GPAT3: variants seen among roughly 807,000 people sequenced by gnomAD.
The protein encoded by GPAT3 is 1-AGP acyltransferase 9.
In GPAT3, 53 loss-of-function variants were observed where a neutral mutation model predicts 58.8. That is an observed-to-expected ratio of 0.90 (90% CI 0.72 to 1.13). The LOEUF (loss-of-function observed/expected upper bound fraction) is 1.13. Among genes scored for constraint, GPAT3 ranks in the 50% most tolerant of loss-of-function variants. The pLI is 0.00. For synonymous variants in GPAT3, 197 were observed against 187.4 expected (o/e 1.05, Z -0.42); for missense variants, 511 against 527.6 (o/e 0.97, Z 0.31).
chr4:83,556,234 C>T (rs1724934701), intron 2 of GPAT3, among the ~76,000 whole-genome samples: 1 of 152,110 alleles, frequency 6.6e-6, no homozygotes, highest in South Asian at 2.1e-4. Context: ...TGTGGGCTGC[C>T]AGCCAAGATG....
At chr4:83,585,977 C>T (rs1463599462) in intron 3 of GPAT3, among the ~76,000 whole-genome samples, 1 of 152,044 alleles carries the variant, frequency 6.6e-6, no homozygotes, top group Admixed American at 6.5e-5. Flanking sequence ...ATTCTGGAGC[C>T]CTGGGTTCAA....
chr4:83,602,784 T>G (rs1727107250), intron 11 of GPAT3, among the ~76,000 whole-genome samples: 1 of 152,216 alleles, frequency 6.6e-6, no homozygotes, highest in Non-Finnish European at 1.5e-5. Context: ...TTTAGTTTCC[T>G]TAGTTCTCAC....
At chr4:83,576,019 C>T (rs1423565392) in intron 2 of GPAT3, among the ~76,000 whole-genome samples, 4 of 152,232 alleles carry the variant, frequency 2.6e-5, no homozygotes, top group Non-Finnish European at 4.4e-5. Context: ...ACTTCCCTTA[C>T]ATATGTATAT....
intron 3 of GPAT3, among the ~76,000 whole-genome samples, chr4:83,584,556 A>G (rs1282147572): frequency 1.3e-5 from 2 of 152,222 alleles, no homozygotes; most frequent in Non-Finnish European, 2.9e-5. Context: ...GTCTCACTCC[A>G]TCACTTAGAC....
intron 9 of GPAT3, among the ~76,000 whole-genome samples, chr4:83,597,784 C>CAA (rs1408012122): frequency 4.6e-5 from 7 of 152,110 alleles, no homozygotes; most frequent in Non-Finnish European, 7.3e-5. Context: ...CATCAGCCTT[C>CAA]TAGTTAAGTG....
At chr4:83,582,725 G>T (rs911837259) in intron 3 of GPAT3, among the ~76,000 whole-genome samples, 3 of 152,112 alleles carry the variant, frequency 2.0e-5, no homozygotes, top group African/African-American at 7.2e-5. Flanking sequence ...ACCAGGGAAA[G>T]TATTGCTTAA....
intron 2 of GPAT3, among the ~76,000 whole-genome samples, chr4:83,576,060 A>T (rs559641972): frequency 6.6e-6 from 1 of 152,292 alleles, no homozygotes; most frequent in South Asian, 2.1e-4. Flanking sequence ...ATTGTTTTGC[A>T]TTATTCAAAT....
chr4:83,543,034 C>T (rs1233148384), intron 1 of GPAT3, among the ~76,000 whole-genome samples: 1 of 151,494 alleles, frequency 6.6e-6, no homozygotes, highest in East Asian at 1.9e-4. Flanking sequence ...AAAATGTTAG[C>T]TCACGCCTGT....
chr4:83,598,671 A>G lies in GPAT3; in HGVS notation c.1153A>G (p.Asn385Asp), dbSNP rs1490278198. Residue 385 changes from asparagine to aspartate, a missense_variant, in exon 11 of 12, where the codon AAC (asparagine) becomes GAC (aspartate). Asn to Asp is a conservative substitution (Grantham distance 23). Transcript: ENST00000264409. The stretch of plus-strand genomic sequence containing the variant: ...AGGAGAAGATGCAGTCCAGTTTGCT[A>G]ACAGGGTTAAGTCTGCTATTGCTAT... ...EEGEDAVQFANRVKSAIAIQG... is the reference protein window; with the variant it reads ...EEGEDAVQFADRVKSAIAIQG... The G allele has an allele frequency of 1.3e-6, 2 of 1,591,642 alleles. No homozygotes were observed. The highest frequency in any genetic ancestry group is 1.1e-5 in the South Asian group (1 of 89,704).
At chr4:83,585,941 G>C (rs748758218) in intron 3 of GPAT3, among the ~76,000 whole-genome samples, 4 of 152,118 alleles carry the variant, frequency 2.6e-5, no homozygotes, top group Non-Finnish European at 5.9e-5. Flanking sequence ...CTGAAAGACA[G>C]AATAACATAA....
intron 11 of GPAT3, 143 bp downstream of exon 11, chr4:83,598,866 T>C (rs1425777773): frequency 1.8e-5 from 11 of 623,336 alleles, no homozygotes; most frequent in Non-Finnish European, 2.6e-5. Context: ...CATAGTTCAC[T>C]GTAGCCTTGA....
At chr4:83,564,802 G>A (rs1725323439) in intron 2 of GPAT3, among the ~76,000 whole-genome samples, 1 of 152,042 alleles carries the variant, frequency 6.6e-6, no homozygotes, top group Non-Finnish European at 1.5e-5. Context: ...ACTTCTTACT[G>A]TGCAGACATT....
chr4:83,575,700 C>T lies in GPAT3; in HGVS notation c.209-5862C>T, dbSNP rs149133757. On this transcript the variant is annotated intron_variant, in intron 2 of 11. Coordinates refer to ENST00000264409, the MANE Select transcript of GPAT3 (RefSeq NM_032717.5). ...CAGTGCTGGGATTACAGGCATGAGC[C>T]ACTGCACCCGGCTGACACCTAATTT... 9.2e-3 allele frequency among the ~76,000 whole-genome samples: 1,399 copies of T among 152,338 alleles called. 21 individuals carry two copies. Among genetic ancestry groups the T allele is most frequent in the African/African-American group, 0.031 (1,279 of 41,578 alleles).
intron 2 of GPAT3, among the ~76,000 whole-genome samples, chr4:83,573,775 C>T (rs80345736): frequency 5.7e-4 from 86 of 152,202 alleles, no homozygotes; most frequent in Admixed American, 9.2e-4. Flanking sequence ...CTCCTCCCTG[C>T]CCAATTTTAA....
intron 7 of GPAT3, among the ~76,000 whole-genome samples, chr4:83,596,123 C>T (rs758419884): frequency 1.3e-5 from 2 of 152,134 alleles, no homozygotes; most frequent in African/African-American, 2.4e-5. Context: ...AAAGTTCAAC[C>T]TGAATCATTT....
In GPAT3 at chr4:83,598,161, GC is replaced by G. The variant is rs774163666; in HGVS notation, c.1113del (p.Met372Ter). On this transcript the variant is annotated frameshift_variant, in exon 10 of 12. Coordinates refer to ENST00000264409, the MANE Select transcript of GPAT3 (RefSeq NM_032717.5). LOFTEE classifies it high-confidence loss of function. ...WAIVCDVWYMPPMTREEGEDA... is the reference protein window; with the variant it reads ...WAIVCDVWYMXPMTREEGEDA... ...CCATCGTCTGTGACGTGTGGTACAT[GC>G]CCCCCATGACCAGAGAGGTATTCCT... 25 of 1,612,890 alleles carry G rather than the reference GC, an allele frequency of 1.6e-5. No individual in the cohort carries two copies. Among genetic ancestry groups the G allele is most frequent in the Non-Finnish European group, 1.9e-5 (23 of 1,179,658 alleles).
upstream of GPAT3, chr4:83,536,029 G>A (rs1724064431): frequency 1.0e-6 from 1 of 985,326 alleles, no homozygotes; most frequent in Admixed American, 6.1e-5. Context: ...TACTGCCAGG[G>A]AGCTCCCCCG....
intron 2 of GPAT3, among the ~76,000 whole-genome samples, chr4:83,557,962 C>CA (rs1421705768): frequency 6.6e-6 from 1 of 152,124 alleles, no homozygotes; most frequent in East Asian, 1.9e-4. Flanking sequence ...CCTGTGATCC[C>CA]AGCACTTTGG....
At chr4:83,544,956 G>A (rs1049951248) in intron 2 of GPAT3, among the ~76,000 whole-genome samples, 4 of 151,952 alleles carry the variant, frequency 2.6e-5, no homozygotes, top group African/African-American at 4.8e-5. Context: ...TATTATTGAG[G>A]TTTCGTTAAC....
Sources: gnomAD v4.1 joint callset for allele counts (sites outside exome capture counted in the v4.1 genomes callset) on GRCh38, gnomAD v4.1.1 for gene constraint, MANE v1.5 for transcripts, NCBI Gene and HGNC (gene_info 2026-07-23, HGNC 2026-07-21) for gene names.